Variants in ROCK1 observed in about 807,000 individuals in gnomAD.
ROCK1 encodes the protein Rho associated coiled-coil containing protein kinase 1, also known as rho-associated protein kinase 1.
In ROCK1, 36 loss-of-function variants were observed where a neutral mutation model predicts 196.8. That is an observed-to-expected ratio of 0.18 (90% CI 0.14 to 0.24). ROCK1 has a LOEUF of 0.24. Ranked by LOEUF, ROCK1 falls within the 10% of genes least tolerant of loss-of-function variation. ROCK1 has a pLI of 1.00. For synonymous variants in ROCK1, 443 were observed against 515.9 expected (o/e 0.86, Z 1.91); for missense variants, 920 against 1,562.0 (o/e 0.59, Z 6.93).
chr18:20,970,775 C>T (rs948514118), intron 22 of ROCK1, among the ~76,000 whole-genome samples: 5 of 152,158 alleles, frequency 3.3e-5, no homozygotes, highest in African/African-American at 1.2e-4. Context: ...AGCAAATAGT[C>T]TGCTTTTGAA....
intron 1 of ROCK1, among the ~76,000 whole-genome samples, chr18:21,100,272 A>G (rs1207354717): frequency 6.6e-6 from 1 of 152,082 alleles, no homozygotes; most frequent in Non-Finnish European, 1.5e-5. Flanking sequence ...CAAGGACAAG[A>G]AACAATTTCA....
intron 1 of ROCK1, among the ~76,000 whole-genome samples, chr18:21,100,897 G>A (rs1212129379): frequency 6.6e-6 from 1 of 152,084 alleles, no homozygotes; most frequent in Non-Finnish European, 1.5e-5. Flanking sequence ...GCCTTGAGGC[G>A]ATCGCAACTC....
intron 1 of ROCK1, among the ~76,000 whole-genome samples, chr18:21,092,817 T>C (rs1250368219): frequency 1.3e-5 from 2 of 152,176 alleles, no homozygotes; most frequent in Admixed American, 6.5e-5. Context: ...CATTTGGTAA[T>C]CCTCACTATG....
intron 1 of ROCK1, among the ~76,000 whole-genome samples, chr18:21,107,583 T>G (rs1229688635): frequency 6.6e-6 from 1 of 152,098 alleles, no homozygotes; most frequent in African/African-American, 2.4e-5. Context: ...AAAGTCCAGA[T>G]AGGGAAGAAC....
At chr18:21,091,712 T>G (rs2036571426) in intron 1 of ROCK1, among the ~76,000 whole-genome samples, 1 of 152,228 alleles carries the variant, frequency 6.6e-6, no homozygotes, top group Non-Finnish European at 1.5e-5. Context: ...GGCTCACACC[T>G]GTAATCCCAG....
intron 1 of ROCK1, among the ~76,000 whole-genome samples, chr18:21,076,333 G>T (rs976088039): frequency 1.3e-5 from 2 of 151,950 alleles, no homozygotes; most frequent in Admixed American, 6.6e-5. Context: ...GTGAAACCCC[G>T]TCTCTACTAA....
At position 21,111,294 on chromosome 18, in the gene ROCK1, G is replaced by C. The variant is rs1322272780; in HGVS notation, c.-384C>G. 2.1e-6 allele frequency: 1 copy of C among 469,874 alleles called. No homozygotes were observed. Among genetic ancestry groups the C allele is most frequent in the African/African-American group, 2.0e-5 (1 of 49,168 alleles). 29.1% of individuals were successfully genotyped at this position (469,874 alleles called of 1,614,324 possible). On this transcript the variant is annotated 5_prime_UTR_variant, in exon 1 of 33. Coordinates refer to ENST00000399799, the MANE Select transcript of ROCK1 (RefSeq NM_005406.3). This position sits in a 1 kb window ranked among gnomAD's most constrained non-coding sequence, Gnocchi z 4.2. ...GGAGCGGGTAGAGAAAGAGAAGCAG[G>C]GTGGAGACTCCCTCCGGGCAACAAG...
At chr18:21,030,870 T>C (rs570339185) in intron 9 of ROCK1, among the ~76,000 whole-genome samples, 44 of 152,252 alleles carry the variant, frequency 2.9e-4, no homozygotes, top group African/African-American at 7.5e-4. Context: ...ATACCTCCAC[T>C]GAAGCAACCA....
intron 32 of ROCK1, chr18:20,953,217 T>C (rs1236017028): frequency 2.3e-5 from 4 of 170,578 alleles, no homozygotes; most frequent in Non-Finnish European, 5.0e-5. Flanking sequence ...ATTTTGGTTT[T>C]TGTAGAAAAA....
At chr18:21,107,915 G>C (rs1022948852) in intron 1 of ROCK1, among the ~76,000 whole-genome samples, 5 of 152,044 alleles carry the variant, frequency 3.3e-5, no homozygotes, top group Admixed American at 3.3e-4. Context: ...TTAGCCAGGC[G>C]TGGTAGTGCA....
Position 20,968,224 on chromosome 18 carries a change from G to C in ROCK1, c.3004-284C>G, listed in dbSNP as rs8098729. Among the ~76,000 whole-genome samples, 565 of 152,140 alleles carry C rather than the reference G, an allele frequency of 3.7e-3. 2 individuals carry two copies. Among genetic ancestry groups the C allele is most frequent in the African/African-American group, 0.013 (545 of 41,526 alleles). ...CTGATGTTGGGTACTAGCAAATAAA[G>C]CTTCTATGCCTTGGCCACATACTCT... On this transcript the variant is annotated intron_variant, in intron 25 of 32. Transcript: ENST00000399799.
intron 4 of ROCK1, among the ~76,000 whole-genome samples, chr18:21,048,674 C>G (rs1366076746): frequency 6.6e-6 from 1 of 151,238 alleles, no homozygotes; most frequent in African/African-American, 2.5e-5. Flanking sequence ...TTCAGCCTCC[C>G]CAGTAGCTGG....
chr18:21,027,111 G>T (rs1224517735), intron 10 of ROCK1, among the ~76,000 whole-genome samples: 1 of 151,904 alleles, frequency 6.6e-6, no homozygotes, highest in Non-Finnish European at 1.5e-5. Context: ...GCTAATTTTT[G>T]TATTTTTAGT....
chr18:21,107,793 C>G (rs934415227), intron 1 of ROCK1, among the ~76,000 whole-genome samples: 1 of 152,204 alleles, frequency 6.6e-6, no homozygotes, highest in Non-Finnish European at 1.5e-5. Flanking sequence ...GTGGCTCACG[C>G]CTGTAATCCC....
At position 20,951,357 on chromosome 18, in the gene ROCK1, G is replaced by C; in HGVS notation, c.*27C>G. ...TGGTTTATCAGGTAGCATCCCACAC[G>C]ATTCCACAGGGCACTCAGTCACATG... On this transcript the variant is annotated 3_prime_UTR_variant, in exon 33 of 33. Transcript: ENST00000399799. 6.2e-7 allele frequency: 1 copy of C among 1,600,622 alleles called. No individual in the cohort carries two copies. Among genetic ancestry groups the C allele is most frequent in the Non-Finnish European group, 8.5e-7 (1 of 1,172,638 alleles).
Position 20,953,570 on chromosome 18 carries a change from A to G in ROCK1, c.4061+8T>C, listed in dbSNP as rs772614551. Reference sequence around the variant, plus strand: ...ATTGTTAAAAACGTTAGCATTTCAAATCCTTACCTAGTTTTTCCAGATGTA... The same window carrying G: ...ATTGTTAAAAACGTTAGCATTTCAAGTCCTTACCTAGTTTTTCCAGATGTA... On this transcript the variant is annotated splice_region_variant and intron_variant, in intron 32 of 32. Transcript: ENST00000399799. The G allele has an allele frequency of 1.3e-6, 2 of 1,537,502 alleles. No individual in the cohort carries two copies. The highest frequency in any genetic ancestry group is 2.8e-5 in the African/African-American group (2 of 71,152).
intron 4 of ROCK1, among the ~76,000 whole-genome samples, chr18:21,045,842 A>G (rs1466692780): frequency 1.3e-5 from 2 of 148,234 alleles, no homozygotes; most frequent in African/African-American, 2.5e-5. Context: ...TATTAAATTT[A>G]TATCAATATC....
chr18:21,060,782 T>C (rs1368597016), intron 2 of ROCK1, among the ~76,000 whole-genome samples: 2 of 137,112 alleles, frequency 1.5e-5, no homozygotes, highest in Non-Finnish European at 3.0e-5. Flanking sequence ...GAGGTTGCCA[T>C]GAGCTGAGAT....
chr18:20,966,383 C>T (rs922589773), intron 27 of ROCK1, among the ~76,000 whole-genome samples: 2 of 152,126 alleles, frequency 1.3e-5, no homozygotes, highest in African/African-American at 4.8e-5. Context: ...TTATTTGACA[C>T]CCCCGGCCTC....
Sources: gnomAD v4.1 joint callset for allele counts (sites outside exome capture counted in the v4.1 genomes callset) on GRCh38, gnomAD v4.1.1 for gene constraint, Gnocchi (gnomAD v3.1) non-coding constraint, MANE v1.5 for transcripts, NCBI Gene and HGNC (gene_info 2026-07-23, HGNC 2026-07-21) for gene names.